Variants in TBCK observed in about 807,000 individuals in gnomAD.
The protein encoded by TBCK is TBC domain-containing protein kinase-like protein.
A neutral mutation model predicts 113.4 loss-of-function variants in TBCK; 99 were observed. The observed-to-expected ratio is 0.87, with a 90% CI of 0.74 to 1.03. The LOEUF is 1.03. TBCK is among the 50% of genes least tolerant of loss of function. The probability of loss-of-function intolerance (pLI) is 0.00; values close to 1 mark genes in which losing one functional copy is unlikely to be tolerated. For missense variants in TBCK, 1,045 were observed against 1,061.3 expected (o/e 0.98, Z 0.21); for synonymous variants, 369 against 370.8 (o/e 1.00, Z 0.05).
In TBCK at chr4:106,044,968, A is replaced by G. The variant is rs1734085483; in HGVS notation, c.*1602T>C. The G allele has an allele frequency of 6.6e-6, 1 of 152,224 alleles. No homozygotes were observed. The highest frequency in any genetic ancestry group is 2.4e-5 in the African/African-American group (1 of 41,462). The allele number at this position is 152,224 out of a possible 1,614,324, so 9.4% of individuals were successfully genotyped here. On this transcript the variant is annotated 3_prime_UTR_variant, in exon 26 of 26. Transcript: ENST00000394708. ...GATGAATGAACACTTTTTAGTTAAA[A>G]CAAAATTGAAGATAATTAAAGGATA...
At chr4:106,065,448 G>A (rs1483966394) in intron 25 of TBCK, among the ~76,000 whole-genome samples, 2 of 151,992 alleles carry the variant, frequency 1.3e-5, no homozygotes, top group East Asian at 3.9e-4. Flanking sequence ...AGACTTTGCC[G>A]TGTTTTTCAT....
intron 25 of TBCK, among the ~76,000 whole-genome samples, chr4:106,077,336 G>C (rs985640422): frequency 1.1e-4 from 16 of 152,168 alleles, no homozygotes; most frequent in African/African-American, 3.6e-4. Context: ...GACCATGAAT[G>C]TAAACAGGCT....
intron 3 of TBCK, among the ~76,000 whole-genome samples, chr4:106,273,891 C>A (rs1320331549): frequency 6.6e-6 from 1 of 152,160 alleles, no homozygotes; most frequent in Non-Finnish European, 1.5e-5. Flanking sequence ...GTTGCAGTAG[C>A]CATAGAAAAC....
In TBCK at chr4:106,235,386, A is replaced by C; in HGVS notation, c.1351-19T>G. 6.5e-7 allele frequency: 1 copy of C among 1,535,074 alleles called. No individual in the cohort carries two copies. The highest frequency in any genetic ancestry group is 1.4e-5 in the African/African-American group (1 of 72,596). Reference sequence around the variant, plus strand: ...GATAAGCCTATGATATCAAAAAAGAAATGAAAACGTCTCAAATTACCTAGT... The same window carrying C: ...GATAAGCCTATGATATCAAAAAAGACATGAAAACGTCTCAAATTACCTAGT... On this transcript the variant is annotated intron_variant, in intron 14 of 25. Transcript: ENST00000394708.
intron 3 of TBCK, among the ~76,000 whole-genome samples, chr4:106,289,242 G>C (rs1765425331): frequency 6.6e-6 from 1 of 152,214 alleles, no homozygotes; most frequent in African/African-American, 2.4e-5. Flanking sequence ...GCTGGGACTA[G>C]AGTGAGGCAA....
chr4:106,218,920 CAT>C (rs1408010016), intron 19 of TBCK, among the ~76,000 whole-genome samples: 6 of 151,532 alleles, frequency 4.0e-5, no homozygotes, highest in Middle Eastern at 3.2e-3. Flanking sequence ...CACATGCACA[CAT>C]ATGTTTATTG....
At chr4:106,224,120 T>C (rs1055830627) in intron 19 of TBCK, among the ~76,000 whole-genome samples, 3 of 152,064 alleles carry the variant, frequency 2.0e-5, no homozygotes, top group Admixed American at 6.6e-5. Flanking sequence ...AAATTTATTA[T>C]ATCTTAAATA....
chr4:106,233,705 A>T, intron 15 of TBCK, 55 bp from the exon 16 acceptor site: 1 of 1,325,552 alleles, frequency 7.5e-7, no homozygotes, highest in Non-Finnish European at 1.0e-6. Context: ...TACAAATAGT[A>T]ATATAGAGAA....
At chr4:106,272,049 G>A (rs750114034) in intron 3 of TBCK, among the ~76,000 whole-genome samples, 7 of 152,108 alleles carry the variant, frequency 4.6e-5, no homozygotes, top group East Asian at 3.9e-4. Flanking sequence ...AACCGCTGTC[G>A]TAGAAGGCGA....
At chr4:106,221,437 A>G (rs915453944) in intron 19 of TBCK, among the ~76,000 whole-genome samples, 1 of 152,170 alleles carries the variant, frequency 6.6e-6, no homozygotes, top group Admixed American at 6.5e-5. Context: ...TAAAACTAGC[A>G]TAAGTTTTGG....
chr4:106,146,307 G>C (rs918213353), intron 23 of TBCK, among the ~76,000 whole-genome samples: 1 of 152,102 alleles, frequency 6.6e-6, no homozygotes, highest in Non-Finnish European at 1.5e-5. Flanking sequence ...AACATGGATG[G>C]AGCTGAAGGC....
intron 23 of TBCK, among the ~76,000 whole-genome samples, chr4:106,126,020 C>A (rs756662737): frequency 6.6e-6 from 1 of 152,176 alleles, no homozygotes; most frequent in Admixed American, 6.5e-5. Context: ...TCTTTTCTCA[C>A]CCCTCACCAT....
intron 2 of TBCK, among the ~76,000 whole-genome samples, chr4:106,296,052 T>C (rs530731880): frequency 5.9e-5 from 9 of 152,284 alleles, no homozygotes; most frequent in African/African-American, 2.2e-4. Flanking sequence ...GTGGTAGACA[T>C]GATCAACATT....
intron 22 of TBCK, among the ~76,000 whole-genome samples, chr4:106,181,801 T>G (rs1002300516): frequency 6.6e-6 from 1 of 152,194 alleles, no homozygotes; most frequent in Non-Finnish European, 1.5e-5. Context: ...TCAGGAAGCA[T>G]GATGCCTCCA....
At chr4:106,210,665 T>C (rs936686102) in intron 20 of TBCK, among the ~76,000 whole-genome samples, 1 of 152,186 alleles carries the variant, frequency 6.6e-6, no homozygotes, top group Non-Finnish European at 1.5e-5. Context: ...CTTCCCAAAG[T>C]GGATTTATAT....
intron 25 of TBCK, among the ~76,000 whole-genome samples, chr4:106,087,173 T>C (rs1739612403): frequency 6.6e-6 from 1 of 152,186 alleles, no homozygotes; most frequent in South Asian, 2.1e-4. Flanking sequence ...TGATTTTATA[T>C]TTATAAAACC....
At chr4:106,252,942 C>G (rs1027107171) in intron 5 of TBCK, among the ~76,000 whole-genome samples, 2 of 151,976 alleles carry the variant, frequency 1.3e-5, no homozygotes, top group African/African-American at 4.8e-5. Context: ...ACCGGTTTAG[C>G]AAATATTGAA....
chr4:106,073,679 A>AGTT (rs1216127984), intron 25 of TBCK, among the ~76,000 whole-genome samples: 1 of 152,290 alleles, frequency 6.6e-6, no homozygotes, highest in Non-Finnish European at 1.5e-5. Context: ...AGTCTGCAGA[A>AGTT]GTTTCTGATG....
At position 106,167,056 on chromosome 4, in the gene TBCK, A is replaced by G. The variant is rs143783425; in HGVS notation, c.2235+4039T>C. Among the ~76,000 whole-genome samples, 414 of 150,186 alleles carry G rather than the reference A, an allele frequency of 2.8e-3. 2 individuals carry two copies. Among genetic ancestry groups the G allele is most frequent in the African/African-American group, 9.3e-3 (383 of 41,200 alleles). On this transcript the variant is annotated intron_variant, in intron 23 of 25. Transcript: ENST00000394708. ...AAACAATTGGAAACATAATAACTTG[A>G]AAGAAAGAGATAAACTTATTCATAT...
Sources: gnomAD v4.1 joint callset for allele counts (sites outside exome capture counted in the v4.1 genomes callset) on GRCh38, gnomAD v4.1.1 for gene constraint, MANE v1.5 for transcripts, NCBI Gene and HGNC (gene_info 2026-07-23, HGNC 2026-07-21) for gene names.